The following TSHZ2 variants were observed in gnomAD, a reference collection of about 807,000 sequenced individuals.
The protein encoded by TSHZ2 is teashirt homolog 2.
A neutral mutation model predicts 74.4 loss-of-function variants in TSHZ2; 21 were observed. That is an observed-to-expected ratio of 0.28 (90% confidence interval 0.20 to 0.41). The LOEUF (loss-of-function observed/expected upper bound fraction) is 0.41, where lower values mean the gene tolerates loss of function less well. Ranked by LOEUF, TSHZ2 falls within the 10% of genes least tolerant of loss-of-function variation. TSHZ2 has a pLI of 1.00. For missense variants in TSHZ2, 1,244 were observed against 1,293.5 expected (o/e 0.96, Z 0.59); for synonymous variants, 540 against 515.3 (o/e 1.05, Z -0.65).
At chr20:53,380,115 G>A (rs972430726) in intron 2 of TSHZ2, among the ~76,000 whole-genome samples, 4 of 151,316 alleles carry the variant, frequency 2.6e-5, no homozygotes, top group African/African-American at 7.3e-5. Context: ...AGCCTAACTT[G>A]AGCTTGAAGG....
At position 53,466,266 on chromosome 20, in the gene TSHZ2, A is replaced by T. The variant is rs144775541; in HGVS notation, c.*9-20878A>T. On this transcript the variant is annotated intron_variant, in intron 2 of 2. Transcript: ENST00000371497. ...CTGCCTCGAAAAATAAAAATAAAAA[A>T]AAAAAAAGAAAGAGAAAAAGGAAAA... is the stretch of plus-strand genomic sequence containing the variant. 5.6e-3 allele frequency among the ~76,000 whole-genome samples: 846 copies of T among 152,034 alleles called. 7 individuals carry two copies. The highest frequency in any genetic ancestry group is 7.8e-3 in the Non-Finnish European group (530 of 67,978).
chr20:52,974,802 A>G (rs1047088815), intron 1 of TSHZ2, among the ~76,000 whole-genome samples: 2 of 152,210 alleles, frequency 1.3e-5, no homozygotes, highest in Non-Finnish European at 2.9e-5. Flanking sequence ...CCTTCTGAGC[A>G]CAGAATTGCT....
intron 2 of TSHZ2, among the ~76,000 whole-genome samples, chr20:53,258,100 C>T (rs1021406119): frequency 6.6e-6 from 1 of 152,174 alleles, no homozygotes; most frequent in Non-Finnish European, 1.5e-5. Context: ...GAGGAGTCCT[C>T]CTATAACTCT....
At chr20:53,387,581 T>C (rs1568895576) in intron 2 of TSHZ2, among the ~76,000 whole-genome samples, 1 of 152,184 alleles carries the variant, frequency 6.6e-6, no homozygotes, top group Non-Finnish European at 1.5e-5. Flanking sequence ...TCTTTTGCTC[T>C]CAAGTCTTGA....
chr20:53,122,288 C>CAAAAAA (rs1314517744), intron 1 of TSHZ2, among the ~76,000 whole-genome samples: 1 of 65,670 alleles, frequency 1.5e-5, no homozygotes. Flanking sequence ...ACCCCATCTA[C>CAAAAAA]AAAAAAAAAA....
chr20:52,986,413 AAAAAAG>A (rs1981762102), intron 1 of TSHZ2, among the ~76,000 whole-genome samples: 1 of 144,338 alleles, frequency 6.9e-6, no homozygotes, highest in African/African-American at 2.6e-5. Flanking sequence ...AAAAAAAAAA[AAAAAAG>A]AAAGAAAGAA....
intron 2 of TSHZ2, among the ~76,000 whole-genome samples, chr20:53,440,131 C>T (rs2145753886): frequency 6.6e-6 from 1 of 151,850 alleles, no homozygotes; most frequent in East Asian, 1.9e-4. Context: ...AAAATGTGAT[C>T]ACTGACGATT....
At chr20:53,298,165 T>C (rs780152585) in intron 2 of TSHZ2, among the ~76,000 whole-genome samples, 26 of 152,192 alleles carry the variant, frequency 1.7e-4, no homozygotes, top group Non-Finnish European at 3.5e-4. Flanking sequence ...TTCATTTAGA[T>C]AAATATTCAT....
chr20:53,221,079 T>C (rs1989543585), intron 1 of TSHZ2, among the ~76,000 whole-genome samples: 1 of 152,194 alleles, frequency 6.6e-6, no homozygotes, highest in Non-Finnish European at 1.5e-5. Flanking sequence ...CCCATTCTGT[T>C]CTCGTGGTAG....
chr20:53,425,259 GT>G (rs1277104216), intron 2 of TSHZ2, among the ~76,000 whole-genome samples: 1 of 152,104 alleles, frequency 6.6e-6, no homozygotes, highest in African/African-American at 2.4e-5. Context: ...TCCCTTTCTT[GT>G]TGTCCATGTT....
chr20:52,973,631 A>G (rs1464784192), intron 1 of TSHZ2, among the ~76,000 whole-genome samples: 1 of 152,092 alleles, frequency 6.6e-6, no homozygotes, highest in Non-Finnish European at 1.5e-5. Flanking sequence ...CTCTCGGGCC[A>G]AAGTCGGATT....
chr20:53,386,014 C>T (rs1401106980), intron 2 of TSHZ2, among the ~76,000 whole-genome samples: 1 of 152,160 alleles, frequency 6.6e-6, no homozygotes, highest in Non-Finnish European at 1.5e-5. Context: ...AGACAGCATT[C>T]CAATTGGCTA....
At chr20:53,133,728 G>T (rs2034955762) in intron 1 of TSHZ2, among the ~76,000 whole-genome samples, 1 of 151,930 alleles carries the variant, frequency 6.6e-6, no homozygotes, top group South Asian at 2.1e-4. Flanking sequence ...ATATAGTATT[G>T]GGAGCATTGT....
At chr20:53,466,139 T>C (rs764424633) in intron 2 of TSHZ2, among the ~76,000 whole-genome samples, 54 of 151,810 alleles carry the variant, frequency 3.6e-4, no homozygotes, top group Admixed American at 1.1e-3. Context: ...CCCAGCCACT[T>C]GGGTGGCTGA....
At chr20:53,340,120 T>TG (rs1159784738) in intron 2 of TSHZ2, among the ~76,000 whole-genome samples, 1 of 150,066 alleles carries the variant, frequency 6.7e-6, no homozygotes, top group African/African-American at 2.5e-5. Flanking sequence ...CAATGCCTGG[T>TG]GGGGGGAAGA....
chr20:53,384,943 A>T (rs992099964), intron 2 of TSHZ2, among the ~76,000 whole-genome samples: 1 of 152,198 alleles, frequency 6.6e-6, no homozygotes, highest in Non-Finnish European at 1.5e-5. Flanking sequence ...TAACACGGTG[A>T]AACCCCGTCT....
At chr20:53,231,657 G>A (rs569872477) in intron 1 of TSHZ2, among the ~76,000 whole-genome samples, 100 of 152,108 alleles carry the variant, frequency 6.6e-4, no homozygotes, top group Non-Finnish European at 1.2e-3. Flanking sequence ...GAAGTGCCTG[G>A]AAGTCTTTTT....
chr20:53,312,409 C>A (rs997511933), intron 2 of TSHZ2, among the ~76,000 whole-genome samples: 17 of 152,160 alleles, frequency 1.1e-4, no homozygotes, highest in Non-Finnish European at 1.8e-4. Flanking sequence ...GGGTGCAAAA[C>A]CCTGAATGGC....
At chr20:53,224,160 A>C (rs187952489) in intron 1 of TSHZ2, among the ~76,000 whole-genome samples, 1 of 152,358 alleles carries the variant, frequency 6.6e-6, no homozygotes, top group East Asian at 1.9e-4. Flanking sequence ...CATCAAACCC[A>C]AAATGTTTTG....
Sources: allele counts gnomAD v4.1 joint callset (sites outside exome capture counted in the v4.1 genomes callset), GRCh38; gene constraint gnomAD v4.1.1; transcripts MANE v1.5; gene names NCBI Gene and HGNC (gene_info 2026-07-23, HGNC 2026-07-21).